MON1A: variants seen among roughly 807,000 people sequenced by gnomAD.
MON1A encodes the protein vacuolar fusion protein MON1 homolog A.
Under a neutral mutation model 44.6 loss-of-function variants are expected in MON1A, and 29 were observed. The observed-to-expected ratio is 0.65, with a 90% CI of 0.48 to 0.89. The LOEUF (loss-of-function observed/expected upper bound fraction) is 0.89. Among genes scored for constraint, MON1A ranks in the 40% least tolerant of loss-of-function variants. The pLI is 0.00. For missense variants in MON1A, 615 were observed against 759.6 expected (o/e 0.81, Z 2.24); for synonymous variants, 275 against 316.4 (o/e 0.87, Z 1.39).
In MON1A at chr3:49,913,267, T is replaced by C. The variant is rs1305866624; in HGVS notation, c.80A>G (p.Glu27Gly). Residue 27 changes from glutamate to glycine, a missense_variant, in exon 2 of 6, where the codon GAG becomes GGG. Transcript: ENST00000296473. ...TCCTGGTGTGGGGCTCTCAGCTCTCTCCATACTCTGTCCATCAGAAGGAGT... is the reference window on the plus strand; with the variant it reads ...TCCTGGTGTGGGGCTCTCAGCTCTCCCCATACTCTGTCCATCAGAAGGAGT... Reference protein sequence around the residue: ...TLTPSDGQSMERAESPTPGMA... With the variant: ...TLTPSDGQSMGRAESPTPGMA... 6.2e-7 allele frequency: 1 copy of C among 1,614,070 alleles called. No individual in the cohort carries two copies. Among genetic ancestry groups the C allele is most frequent in the Non-Finnish European group, 8.5e-7 (1 of 1,180,052 alleles).
chr3:49,925,375 A>G (rs1204031186), intron 1 of MON1A, among the ~76,000 whole-genome samples: 1 of 152,152 alleles, frequency 6.6e-6, no homozygotes, highest in Non-Finnish European at 1.5e-5. Flanking sequence ...TCAGCCTCTC[A>G]AAGTACTGGG....
intron 1 of MON1A, among the ~76,000 whole-genome samples, chr3:49,923,793 T>C (rs1458274802): frequency 2.0e-5 from 3 of 150,040 alleles, no homozygotes; most frequent in African/African-American, 7.3e-5. Context: ...GTGAAAAACC[T>C]TGGAGTCGGC....
intron 1 of MON1A, 115 bp from the exon 2 acceptor site, chr3:49,913,474 C>T: frequency 2.1e-6 from 2 of 947,388 alleles, no homozygotes; most frequent in South Asian, 3.9e-5. Flanking sequence ...ACTCAAATCT[C>T]TAGAAAATGG....
At chr3:49,927,912 C>CA (rs1260171923) in intron 1 of MON1A, among the ~76,000 whole-genome samples, 25 of 150,546 alleles carry the variant, frequency 1.7e-4, no homozygotes, top group African/African-American at 5.9e-4. Flanking sequence ...AAAAAAAAAA[C>CA]AACAAAAAAA....
At position 49,909,196 on chromosome 3, in the gene MON1A, C is replaced by A; in HGVS notation, c.1528-42G>T. On this transcript the variant is annotated intron_variant, in intron 5 of 5. Transcript: ENST00000296473. The surrounding 1 kb of genome is among the most constrained non-coding windows in gnomAD (Gnocchi z 4.0). ...GGGTCGTCATCTAGGTTAGAGGCCC[C>A]TCATGGCCCATACCTAGGACCTCCA... 1 of 1,612,430 alleles carries A rather than the reference C, an allele frequency of 6.2e-7. No homozygotes were observed. The highest frequency in any genetic ancestry group is 8.5e-7 in the Non-Finnish European group (1 of 1,179,024).
Position 49,909,018 on chromosome 3 carries a change from T to C in MON1A, c.1664A>G (p.Tyr555Cys), listed in dbSNP as rs1006177784. 2 of 1,611,708 alleles carry C rather than the reference T, an allele frequency of 1.2e-6. No individual in the cohort carries two copies. Among genetic ancestry groups the C allele is most frequent in the Non-Finnish European group, 8.5e-7 (1 of 1,178,732 alleles). ...DRLFILTPLT[Y>C] is the part of the protein sequence containing the mutation. ...CTGAGCCCGCACACATTCCCATCAA[T>C]AGGTGAGGGGCGTGAGAATGAAGAG... The change falls in exon 6 of 6, where the codon TAT (tyrosine) becomes TGT (cysteine). Residue 555 changes from tyrosine (Y) to cysteine (C), a missense_variant. Transcript: ENST00000296473. The surrounding 1 kb of genome is among the most constrained non-coding windows in gnomAD (Gnocchi z 4.0).
At chr3:49,921,962 A>AC (rs1259547464) in intron 1 of MON1A, among the ~76,000 whole-genome samples, 1 of 150,400 alleles carries the variant, frequency 6.6e-6, no homozygotes, top group Non-Finnish European at 1.5e-5. Context: ...ACATGGTGAA[A>AC]CCCCATCTCT....
At chr3:49,914,326 G>A (rs907263086) in intron 1 of MON1A, among the ~76,000 whole-genome samples, 5 of 151,720 alleles carry the variant, frequency 3.3e-5, no homozygotes, top group Non-Finnish European at 4.4e-5. Flanking sequence ...CAAGTGATCC[G>A]CCTGCCTCGG....
intron 1 of MON1A, 68 bp from the exon 2 acceptor site, chr3:49,913,427 T>A: frequency 6.6e-7 from 1 of 1,519,522 alleles, no homozygotes; most frequent in Non-Finnish European, 8.9e-7. Flanking sequence ...ACAGTGGTAG[T>A]AAGTACAGGA....
intron 1 of MON1A, among the ~76,000 whole-genome samples, chr3:49,914,853 G>C (rs2082929966): frequency 6.6e-6 from 1 of 151,962 alleles, no homozygotes; most frequent in Non-Finnish European, 1.5e-5. Flanking sequence ...CCTAATTTTT[G>C]TATTTTTTAT....
intron 1 of MON1A, among the ~76,000 whole-genome samples, chr3:49,919,742 C>T (rs969583375): frequency 6.6e-6 from 1 of 152,110 alleles, no homozygotes; most frequent in African/African-American, 2.4e-5. Flanking sequence ...TTCACGGATC[C>T]AAAGTGCTGG....
intron 1 of MON1A, among the ~76,000 whole-genome samples, chr3:49,921,214 G>A (rs993800761): frequency 6.6e-6 from 1 of 151,556 alleles, no homozygotes; most frequent in African/African-American, 2.4e-5. Flanking sequence ...CTGGAGTGCA[G>A]TGGCGCGATC....
chr3:49,911,455 G>A lies in MON1A; in HGVS notation c.613+71C>T. ...GCACATCCCAGCCCTCTGGTCTGCA[G>A]GGGTCCAAAACCTGCTATGAATGAA... On this transcript the variant is annotated intron_variant, in intron 3 of 5. Coordinates refer to ENST00000296473, the MANE Select transcript of MON1A (RefSeq NM_032355.4). The surrounding 1 kb of genome is among the most constrained non-coding windows in gnomAD (Gnocchi z 5.7). 1.3e-6 allele frequency: 2 copies of A among 1,535,786 alleles called. No individual in the cohort carries two copies. The highest frequency in any genetic ancestry group is 2.3e-5 in the East Asian group (1 of 44,364).
intron 1 of MON1A, among the ~76,000 whole-genome samples, chr3:49,920,416 C>T (rs957227377): frequency 2.6e-5 from 4 of 152,050 alleles, no homozygotes; most frequent in African/African-American, 9.7e-5. Context: ...GTTTTAAATT[C>T]CCTCTACATA....
At chr3:49,919,375 A>T (rs552875299) in intron 1 of MON1A, among the ~76,000 whole-genome samples, 2 of 152,114 alleles carry the variant, frequency 1.3e-5, no homozygotes, top group African/African-American at 4.8e-5. Context: ...AAACAAACAA[A>T]CCCCCTCAAA....
At chr3:49,917,134 T>C (rs1056589752) in intron 1 of MON1A, among the ~76,000 whole-genome samples, 3 of 151,956 alleles carry the variant, frequency 2.0e-5, no homozygotes, top group African/African-American at 7.3e-5. Context: ...ATAATTTTTG[T>C]ATTTTTTGGT....
At chr3:49,919,543 C>G (rs962065281) in intron 1 of MON1A, among the ~76,000 whole-genome samples, 3 of 152,120 alleles carry the variant, frequency 2.0e-5, no homozygotes, top group African/African-American at 7.2e-5. Flanking sequence ...GCAGCAGCGC[C>G]ATCTCCGCTC....
chr3:49,928,694 G>A (rs1363869599), intron 1 of MON1A, among the ~76,000 whole-genome samples: 1 of 152,166 alleles, frequency 6.6e-6, no homozygotes, highest in Non-Finnish European at 1.5e-5. Flanking sequence ...TGGAAAGGAG[G>A]TGCCAGGATA....
intron 1 of MON1A, chr3:49,929,293 T>G: frequency 2.3e-6 from 1 of 440,738 alleles, no homozygotes; most frequent in African/African-American, 2.0e-5. Flanking sequence ...TCTGTTGCTT[T>G]TTGAGAAGAC....
Sources: allele counts gnomAD v4.1 joint callset (sites outside exome capture counted in the v4.1 genomes callset), GRCh38; gene constraint gnomAD v4.1.1; non-coding constraint Gnocchi (gnomAD v3.1); transcripts MANE v1.5; gene names NCBI Gene and HGNC (gene_info 2026-07-23, HGNC 2026-07-21).